The following EPM2A variants were observed in gnomAD, a reference collection of about 807,000 sequenced individuals.
EPM2A encodes the protein laforin.
A neutral mutation model predicts 26.5 loss-of-function variants in EPM2A; 21 were observed. The ratio of observed to expected loss-of-function variants is 0.79; its 90% CI spans 0.56 to 1.14. EPM2A has a LOEUF of 1.14. EPM2A is among the 50% of genes most tolerant of loss of function. EPM2A has a pLI of 0.00. For synonymous variants in EPM2A, 217 were observed against 177.6 expected (o/e 1.22, Z -1.76); for missense variants, 458 against 440.8 (o/e 1.04, Z -0.35).
intron 2 of EPM2A, among the ~76,000 whole-genome samples, chr6:145,615,426 C>G (rs1775485403): frequency 2.6e-5 from 4 of 152,090 alleles, no homozygotes; most frequent in Admixed American, 2.6e-4. Context: ...ATAAATTACT[C>G]AGTCTCGGGT....
At chr6:145,542,460 C>A (rs761796234) in intron 2 of EPM2A, among the ~76,000 whole-genome samples, 1 of 152,136 alleles carries the variant, frequency 6.6e-6, no homozygotes, top group African/African-American at 2.4e-5. Context: ...AGGAAAGGGG[C>A]AGCTTAAAAA....
At chr6:145,644,230 G>T (rs1777291902) in intron 2 of EPM2A, among the ~76,000 whole-genome samples, 1 of 152,054 alleles carries the variant, frequency 6.6e-6, no homozygotes. Context: ...ATATTAACCA[G>T]GCTCATTATT....
chr6:145,604,514 G>C (rs1193889394), intron 2 of EPM2A, among the ~76,000 whole-genome samples: 1 of 151,998 alleles, frequency 6.6e-6, no homozygotes, highest in Non-Finnish European at 1.5e-5. Flanking sequence ...ACCACCACTG[G>C]AAAATCCAAC....
intron 4 of EPM2A, among the ~76,000 whole-genome samples, chr6:145,416,575 T>A (rs779411119): frequency 6.6e-6 from 1 of 152,186 alleles, no homozygotes; most frequent in East Asian, 1.9e-4. Flanking sequence ...GGAATAAGGA[T>A]AACGTAGGGA....
At chr6:145,527,752 G>T (rs756387123) in intron 2 of EPM2A, among the ~76,000 whole-genome samples, 4 of 152,014 alleles carry the variant, frequency 2.6e-5, no homozygotes, top group Non-Finnish European at 5.9e-5. Context: ...CACTCAATGT[G>T]TTTAAGTGGG....
intron 4 of EPM2A, among the ~76,000 whole-genome samples, chr6:145,387,841 A>G (rs2114654519): frequency 6.6e-6 from 1 of 152,154 alleles, no homozygotes; most frequent in South Asian, 2.1e-4. Context: ...CCAAGTGCCA[A>G]GTTATGGTAC....
intron 2 of EPM2A, among the ~76,000 whole-genome samples, chr6:145,527,336 T>G (rs1180652870): frequency 6.6e-6 from 1 of 152,068 alleles, no homozygotes; most frequent in African/African-American, 2.4e-5. Context: ...AGTATACAAT[T>G]TCTTTATTGG....
chr6:145,399,997 T>C (rs1174394431), intron 4 of EPM2A, among the ~76,000 whole-genome samples: 4 of 152,196 alleles, frequency 2.6e-5, no homozygotes, highest in Non-Finnish European at 5.9e-5. Flanking sequence ...ACCAAGATTT[T>C]TGTGGTTTTG....
At chr6:145,725,660 G>A (rs1294183255) in intron 1 of EPM2A, among the ~76,000 whole-genome samples, 1 of 152,028 alleles carries the variant, frequency 6.6e-6, no homozygotes, top group East Asian at 1.9e-4. Flanking sequence ...ACACAAGCCA[G>A]TCTGAAAAGG....
chr6:145,484,605 T>C (rs1009559155), intron 4 of EPM2A, among the ~76,000 whole-genome samples: 1 of 152,094 alleles, frequency 6.6e-6, no homozygotes, highest in African/African-American at 2.4e-5. Context: ...AGGACAAATA[T>C]ATTAACTGCT....
chr6:145,730,117 T>A (rs1248493753), intron 1 of EPM2A, among the ~76,000 whole-genome samples: 1 of 152,160 alleles, frequency 6.6e-6, no homozygotes, highest in Admixed American at 6.5e-5. Context: ...TCCCCAGCCA[T>A]GTTTCCTGTA....
At chr6:145,716,318 T>A (rs1443055144) in intron 1 of EPM2A, among the ~76,000 whole-genome samples, 1 of 152,130 alleles carries the variant, frequency 6.6e-6, no homozygotes, top group Non-Finnish European at 1.5e-5. Flanking sequence ...CAGCAAGCTG[T>A]TATAAAAAAT....
intron 2 of EPM2A, chr6:145,636,711 C>G (rs943630081): frequency 2.6e-5 from 4 of 151,942 alleles, no homozygotes; most frequent in Admixed American, 2.0e-4. Context: ...TGCTTGAGGC[C>G]AGAAGTTCCA....
At chr6:145,573,894 A>G (rs1780994037) in intron 2 of EPM2A, among the ~76,000 whole-genome samples, 1 of 152,200 alleles carries the variant, frequency 6.6e-6, no homozygotes, top group South Asian at 2.1e-4. Context: ...TAACTGGAGG[A>G]CCATAATGAT....
At chr6:145,509,923 A>T (rs1451073243) in intron 2 of EPM2A, among the ~76,000 whole-genome samples, 1 of 152,150 alleles carries the variant, frequency 6.6e-6, no homozygotes, top group Non-Finnish European at 1.5e-5. Flanking sequence ...AAAAAGGAGT[A>T]AATGTCACTA....
chr6:145,666,138 C>A (rs1385584920), intron 2 of EPM2A, among the ~76,000 whole-genome samples: 2 of 146,554 alleles, frequency 1.4e-5, no homozygotes, highest in Non-Finnish European at 3.0e-5. Flanking sequence ...CGCTCCTATT[C>A]CATAGTGTTG....
chr6:145,434,289 C>A (rs1453990701), intron 4 of EPM2A, among the ~76,000 whole-genome samples: 11 of 146,918 alleles, frequency 7.5e-5, no homozygotes, highest in Admixed American at 5.5e-4. Flanking sequence ...TAGACAGGGT[C>A]TCCTTCTGTC....
At chr6:145,513,006 G>T (rs750902080) in intron 2 of EPM2A, among the ~76,000 whole-genome samples, 2 of 152,090 alleles carry the variant, frequency 1.3e-5, no homozygotes. Context: ...CCCAAGCAAA[G>T]AATTTATGAT....
At chr6:145,564,773 TGG>T (rs201307634) in intron 2 of EPM2A, among the ~76,000 whole-genome samples, 43 of 26,300 alleles carry the variant, frequency 1.6e-3, no homozygotes, top group African/African-American at 2.7e-3. Context: ...GGGTATATGG[TGG>T]GGGGGGGCAG....
Sources: allele counts gnomAD v4.1 joint callset (sites outside exome capture counted in the v4.1 genomes callset), GRCh38; gene constraint gnomAD v4.1.1; transcripts MANE v1.5; gene names NCBI Gene and HGNC (gene_info 2026-07-23, HGNC 2026-07-21).